CHSY1: variants seen among roughly 807,000 people sequenced by gnomAD.
CHSY1 encodes N-acetylgalactosaminyl-proteoglycan 3-beta-glucuronosyltransferase 1.
Under a neutral mutation model 59.8 loss-of-function variants are expected in CHSY1, and 13 were observed. The ratio of observed to expected loss-of-function variants is 0.22; its 90% confidence interval spans 0.14 to 0.35. The LOEUF (loss-of-function observed/expected upper bound fraction) is 0.35, where lower values mean the gene tolerates loss of function less well. Among genes scored for constraint, CHSY1 ranks in the 10% least tolerant of loss-of-function variants. The pLI is 1.00. For synonymous variants in CHSY1, 459 were observed against 401.2 expected, an observed-to-expected ratio of 1.14 and a Z score of -1.72; for missense variants, 947 against 1,030.6, an observed-to-expected ratio of 0.92 and a Z score of 1.11.
intron 2 of CHSY1, 136 bp downstream of exon 2, chr15:101,234,946 A>C: frequency 8.6e-7 from 1 of 1,157,090 alleles, no homozygotes; most frequent in Non-Finnish European, 1.2e-6. Context: ...TTTTTAATCT[A>C]AGGCTAAAAA....
At chr15:101,236,719 C>T (rs951352163) in intron 1 of CHSY1, among the ~76,000 whole-genome samples, 18 of 151,902 alleles carry the variant, frequency 1.2e-4, no homozygotes, top group African/African-American at 3.6e-4. Flanking sequence ...CAGCTACTAG[C>T]GAGGCTAAGG....
At chr15:101,179,088 A>G in intron 2 of CHSY1, 108 bp from the exon 3 acceptor site, 1 of 1,095,204 alleles carries the variant, frequency 9.1e-7, no homozygotes. Context: ...GGACCACAGC[A>G]CACAAAAGGC....
intron 2 of CHSY1, 136 bp downstream of exon 2, chr15:101,234,946 A>G: frequency 8.6e-7 from 1 of 1,157,090 alleles, no homozygotes; most frequent in Non-Finnish European, 1.2e-6. Context: ...TTTTTAATCT[A>G]AGGCTAAAAA....
At position 101,212,777 on chromosome 15, in the gene CHSY1, T is replaced by C. The variant is rs1241996174; in HGVS notation, c.816+22305A>G. 2.0e-5 allele frequency among the ~76,000 whole-genome samples: 3 copies of C among 152,192 alleles called. No homozygotes were observed. In the East Asian group the frequency reaches 5.8e-4, roughly 29 times the overall value. On this transcript the variant is annotated intron_variant, in intron 2 of 2. Coordinates refer to ENST00000254190, the MANE Select transcript of CHSY1 (RefSeq NM_014918.5). Reference sequence around the variant, plus strand: ...AACATGATCTAAAAGAATAGCAAACTGTAAGTCAATATGCAACTCTAGGTA... The same window carrying C: ...AACATGATCTAAAAGAATAGCAAACCGTAAGTCAATATGCAACTCTAGGTA...
rs774436935 is a variant in CHSY1, at chr15:101,177,835, T to C, written c.1962A>G (p.Ile654Met). 3 of 1,614,202 alleles carry C rather than the reference T, an allele frequency of 1.9e-6. No individual in the cohort carries two copies. The highest frequency in any genetic ancestry group is 2.2e-5 in the South Asian group (2 of 91,086). The change falls in exon 3 of 3, where the codon ATA becomes ATG. Residue 654 changes from isoleucine (I) to methionine (M), a missense_variant. Transcript: ENST00000254190. ...ACTGGCTGAAGATGATTGGAAAATATATTTGTTGGCCCAGAACTGTATTTG... is the reference window on the plus strand; with the variant it reads ...ACTGGCTGAAGATGATTGGAAAATACATTTGTTGGCCCAGAACTGTATTTG... ...CRANTVLGQQ[I>M]YFPIIFSQYD...
At position 101,251,754 on chromosome 15, in the gene CHSY1, C is replaced by G. The variant is rs1288913097; in HGVS notation, c.-298G>C. ...AGGTGGCGGCGGCTCCTCCCGCTCG[C>G]GCGCGGGGACGCGGGGCCGGCACGA... On this transcript the variant is annotated 5_prime_UTR_variant, in exon 1 of 3. Transcript: ENST00000254190. 3.3e-5 allele frequency: 5 copies of G among 149,380 alleles called. No individual in the cohort carries two copies. Among genetic ancestry groups the G allele is most frequent in the African/African-American group, 9.7e-5 (4 of 41,086 alleles). 9.3% of individuals were successfully genotyped at this position (149,380 alleles called of 1,614,324 possible).
intron 2 of CHSY1, among the ~76,000 whole-genome samples, chr15:101,206,648 G>A (rs1048316342): frequency 6.6e-6 from 1 of 152,228 alleles, no homozygotes; most frequent in Non-Finnish European, 1.5e-5. Context: ...AGAGACAGCA[G>A]TGTTAGATAT....
intron 2 of CHSY1, among the ~76,000 whole-genome samples, chr15:101,233,196 C>T (rs1031526246): frequency 2.0e-5 from 3 of 152,192 alleles, no homozygotes; most frequent in African/African-American, 7.2e-5. Flanking sequence ...CCAAAATGGC[C>T]TCCCACCCTG....
intron 1 of CHSY1, among the ~76,000 whole-genome samples, chr15:101,242,344 T>A (rs964162293): frequency 5.9e-5 from 9 of 152,220 alleles, no homozygotes; most frequent in African/African-American, 2.2e-4. Flanking sequence ...CCACTTCAAC[T>A]GCAAAGTGCT....
chr15:101,230,064 C>T (rs1289208662), intron 2 of CHSY1, among the ~76,000 whole-genome samples: 1 of 151,530 alleles, frequency 6.6e-6, no homozygotes, highest in Admixed American at 6.6e-5. Context: ...GCCTCAGCCT[C>T]CAGAGTAACT....
At chr15:101,203,268 C>T (rs921020048) in intron 2 of CHSY1, among the ~76,000 whole-genome samples, 1 of 152,190 alleles carries the variant, frequency 6.6e-6, no homozygotes, top group Non-Finnish European at 1.5e-5. Context: ...AGGCATGGAC[C>T]TTCTCCCTTT....
Position 101,235,160 on chromosome 15 carries a change from C to T in CHSY1, c.738G>A (p.Met246Ile). 1.9e-6 allele frequency: 3 copies of T among 1,614,154 alleles called. No individual in the cohort carries two copies. Among genetic ancestry groups the T allele is most frequent in the Non-Finnish European group, 2.5e-6 (3 of 1,180,026 alleles). Residue 246 changes from methionine (M) to isoleucine (I), a missense_variant, in exon 2 of 3, where the codon ATG becomes ATA. Transcript: ENST00000254190. ...VPHIGKCLRE[M>I]YTTHEDVEVG... ...CCTCCACGTCCTCATGGGTGGTGTA[C>T]ATCTCCCGGAGACACTTGCCAATGT...
intron 2 of CHSY1, among the ~76,000 whole-genome samples, chr15:101,201,326 G>A (rs886322243): frequency 6.6e-6 from 1 of 152,176 alleles, no homozygotes; most frequent in African/African-American, 2.4e-5. Flanking sequence ...TTACTCCCCC[G>A]ACCCTCAGCC....
At chr15:101,240,374 C>T (rs2038990004) in intron 1 of CHSY1, among the ~76,000 whole-genome samples, 1 of 152,196 alleles carries the variant, frequency 6.6e-6, no homozygotes, top group African/African-American at 2.4e-5. Flanking sequence ...ATCAACAAGT[C>T]CAGTTCCTTC....
At chr15:101,204,809 G>A (rs2038608508) in intron 2 of CHSY1, among the ~76,000 whole-genome samples, 1 of 152,132 alleles carries the variant, frequency 6.6e-6, no homozygotes, top group Non-Finnish European at 1.5e-5. Context: ...GGAGGCTGAG[G>A]CACAAGAATT....
At chr15:101,187,631 G>A (rs1349249640) in intron 2 of CHSY1, 1 of 152,112 alleles carries the variant, frequency 6.6e-6, no homozygotes, top group Non-Finnish European at 1.5e-5. Flanking sequence ...CAGAAAGTTA[G>A]AAGTACTGCA....
chr15:101,186,058 A>G (rs1004599289), intron 2 of CHSY1, among the ~76,000 whole-genome samples: 1 of 149,406 alleles, frequency 6.7e-6, no homozygotes, highest in Non-Finnish European at 1.5e-5. Flanking sequence ...ACCCTTAAGT[A>G]GTATAGTCAG....
intron 1 of CHSY1, among the ~76,000 whole-genome samples, chr15:101,242,062 GT>G (rs921052151): frequency 1.4e-4 from 22 of 152,016 alleles, no homozygotes; most frequent in African/African-American, 5.1e-4. Context: ...ATTTTCTATT[GT>G]TTTTCCCCCC....
intron 2 of CHSY1, among the ~76,000 whole-genome samples, chr15:101,224,780 T>G (rs2038823369): frequency 6.6e-6 from 1 of 152,240 alleles, no homozygotes; most frequent in South Asian, 2.1e-4. Context: ...CAACACCGCC[T>G]GAGGTGAACA....
Sources: allele counts gnomAD v4.1 joint callset (sites outside exome capture counted in the v4.1 genomes callset), GRCh38; gene constraint gnomAD v4.1.1; transcripts MANE v1.5; gene names NCBI Gene and HGNC (gene_info 2026-07-23, HGNC 2026-07-21).